RIC8B: variants seen among roughly 807,000 people sequenced by gnomAD.
RIC8B encodes the protein chaperone Ric-8B.
In RIC8B, 16 loss-of-function variants were observed where a neutral mutation model predicts 57.5. The observed-to-expected ratio is 0.28, with a 90% CI of 0.19 to 0.42. RIC8B has a LOEUF of 0.42. RIC8B is among the 10% of genes least tolerant of loss of function. RIC8B has a pLI of 1.00. For synonymous variants in RIC8B, 216 were observed against 250.8 expected (o/e 0.86, Z 1.31); for missense variants, 481 against 677.0 (o/e 0.71, Z 3.21).
chr12:106,777,431 C>G (rs925417957), intron 1 of RIC8B, among the ~76,000 whole-genome samples: 1 of 152,074 alleles, frequency 6.6e-6, no homozygotes, highest in Non-Finnish European at 1.5e-5. Context: ...CTTCAGTTTC[C>G]TTATCTGGAA....
intron 9 of RIC8B, chr12:106,874,640 C>T: frequency 5.3e-6 from 6 of 1,134,872 alleles, no homozygotes; most frequent in Non-Finnish European, 6.4e-6. Context: ...AATTGTAAAA[C>T]CACCAATGTA....
chr12:106,826,816 T>C (rs1408410778), intron 4 of RIC8B, among the ~76,000 whole-genome samples: 1 of 151,840 alleles, frequency 6.6e-6, no homozygotes, highest in Non-Finnish European at 1.5e-5. Flanking sequence ...AGCTGGGTGC[T>C]GTGGCTCATG....
At chr12:106,779,902 G>A (rs1372496298) in intron 1 of RIC8B, among the ~76,000 whole-genome samples, 1 of 134,494 alleles carries the variant, frequency 7.4e-6, no homozygotes, top group Non-Finnish European at 1.6e-5. Flanking sequence ...GTGTGTGTGT[G>A]TGTGTAGAGT....
Position 106,886,036 on chromosome 12 carries a change from T to C in RIC8B, c.*21T>C. 6.8e-7 allele frequency: 1 copy of C among 1,479,702 alleles called. No individual in the cohort carries two copies. Among genetic ancestry groups the C allele is most frequent in the Non-Finnish European group, 9.4e-7 (1 of 1,058,488 alleles). 91.7% of individuals were successfully genotyped at this position (1,479,702 alleles called of 1,614,324 possible). On this transcript the variant is annotated 3_prime_UTR_variant, in exon 10 of 10. Transcript: ENST00000392837. ...ACTAAAAGCATCACCTGCTCAACTC[T>C]CAATATTGCTTTATCAGCATCTTTT...
Position 106,879,200 on chromosome 12 carries a change from C to T in RIC8B, c.1572-6704C>T. On this transcript the variant is annotated intron_variant, in intron 9 of 9. Coordinates refer to ENST00000392837, the MANE Select transcript of RIC8B (RefSeq NM_001330145.2). The surrounding 1 kb of genome is among the most constrained non-coding windows in gnomAD (Gnocchi z 4.9). ...CATTTTACCAACTGCTTAATTATGT[C>T]CTGTTTTTCAACAAGTACACTTGAA... The T allele has an allele frequency of 2.0e-6, 2 of 985,752 alleles. No individual in the cohort carries two copies. The highest frequency in any genetic ancestry group is 2.4e-6 in the Non-Finnish European group (2 of 829,902). 61.1% of individuals were successfully genotyped at this position (985,752 alleles called of 1,614,324 possible). A position where few individuals can be genotyped will look rare whatever the true frequency, so the allele number is the denominator to read the frequency against.
chr12:106,854,714 G>A (rs1021912675), intron 7 of RIC8B, among the ~76,000 whole-genome samples: 7 of 152,110 alleles, frequency 4.6e-5, no homozygotes, highest in Non-Finnish European at 7.4e-5. Context: ...ACTTGAACCC[G>A]GGAGGTGGAG....
intron 4 of RIC8B, among the ~76,000 whole-genome samples, chr12:106,826,629 G>A (rs554022713): frequency 1.3e-5 from 2 of 152,258 alleles, no homozygotes; most frequent in South Asian, 4.1e-4. Flanking sequence ...GGTGGCACAT[G>A]CCTGTAATCC....
chr12:106,780,868 A>C (rs10861661), intron 1 of RIC8B, among the ~76,000 whole-genome samples: 35,039 of 152,118 alleles, frequency 0.23, 4,052 homozygotes, highest in East Asian at 0.32. Context: ...GCCATTGAAC[A>C]CTACTGTGTG....
intron 3 of RIC8B, among the ~76,000 whole-genome samples, chr12:106,816,771 T>C (rs1238116935): frequency 6.6e-6 from 1 of 152,198 alleles, no homozygotes; most frequent in Non-Finnish European, 1.5e-5. Flanking sequence ...GTAATAAATA[T>C]CAGTATATTG....
chr12:106,782,064 A>G (rs1019477650), intron 1 of RIC8B, among the ~76,000 whole-genome samples: 6 of 152,048 alleles, frequency 3.9e-5, no homozygotes, highest in African/African-American at 1.2e-4. Context: ...AATTTTTATT[A>G]TGAAAACAAT....
intron 2 of RIC8B, among the ~76,000 whole-genome samples, chr12:106,812,445 G>GTT (rs71072694): frequency 2.2e-5 from 3 of 136,978 alleles, no homozygotes; most frequent in East Asian, 2.1e-4. Context: ...CCTATAGTTT[G>GTT]TTTTTTTTTT....
intron 2 of RIC8B, among the ~76,000 whole-genome samples, chr12:106,786,410 A>T (rs973161944): frequency 6.6e-6 from 1 of 151,706 alleles, no homozygotes; most frequent in African/African-American, 2.4e-5. Flanking sequence ...CGGCCTCCCA[A>T]AGTGTTGGGA....
chr12:106,868,766 G>GACACACACACACACAC lies in RIC8B; in HGVS notation c.1452-2023_1452-2008dup, dbSNP rs56293147. On this transcript the variant is annotated intron_variant, in intron 8 of 9. Transcript: ENST00000392837. The stretch of plus-strand genomic sequence containing the variant: ...ATGAGTGTCTAAAGCAGGCACTCTA[G>GACACACACACACACAC]ACACACACACACACACACACACACA... 2.9e-3 allele frequency among the ~76,000 whole-genome samples: 352 copies of GACACACACACACACAC among 123,012 alleles called. 2 individuals carry two copies. The highest frequency in any genetic ancestry group is 0.01 in the African/African-American group (323 of 31,824). The allele number at this position is 123,012 out of a possible 152,430, so 80.7% of individuals were successfully genotyped here.
intron 2 of RIC8B, among the ~76,000 whole-genome samples, chr12:106,801,386 T>G (rs908208297): frequency 1.3e-5 from 2 of 152,222 alleles, no homozygotes. Context: ...GAGCCAAACT[T>G]GTTTAATAAT....
intron 9 of RIC8B, among the ~76,000 whole-genome samples, chr12:106,885,308 G>T (rs1043221238): frequency 6.6e-6 from 1 of 151,846 alleles, no homozygotes; most frequent in Non-Finnish European, 1.5e-5. Flanking sequence ...GTGTTTTTTA[G>T]AAAGGAGGAG....
intron 2 of RIC8B, among the ~76,000 whole-genome samples, chr12:106,799,254 G>A (rs529488473): frequency 3.7e-4 from 56 of 152,216 alleles, no homozygotes; most frequent in African/African-American, 1.2e-3. Flanking sequence ...TATTTTTCTT[G>A]TATAGAATGT....
intron 9 of RIC8B, among the ~76,000 whole-genome samples, chr12:106,883,790 T>C (rs539166043): frequency 1.3e-5 from 2 of 152,244 alleles, no homozygotes; most frequent in African/African-American, 4.8e-5. Flanking sequence ...TACTTTCTTA[T>C]AAAACAAACG....
intron 6 of RIC8B, among the ~76,000 whole-genome samples, chr12:106,848,223 G>A (rs1340601339): frequency 2.0e-5 from 3 of 152,180 alleles, no homozygotes; most frequent in Admixed American, 6.5e-5. Context: ...AAAGACCTGA[G>A]GCAGGAAAGT....
At chr12:106,863,467 CTTT>C (rs1950019192) in intron 8 of RIC8B, among the ~76,000 whole-genome samples, 1 of 152,002 alleles carries the variant, frequency 6.6e-6, no homozygotes, top group Non-Finnish European at 1.5e-5. Flanking sequence ...GATACTTTTT[CTTT>C]TATTTGTCAA....
Sources: allele counts gnomAD v4.1 joint callset (sites outside exome capture counted in the v4.1 genomes callset), GRCh38; gene constraint gnomAD v4.1.1; non-coding constraint Gnocchi (gnomAD v3.1); transcripts MANE v1.5; gene names NCBI Gene and HGNC (gene_info 2026-07-23, HGNC 2026-07-21).